Variants in OFD1 observed in about 807,000 individuals in gnomAD.
The protein encoded by OFD1 is OFD1 centriole and centriolar satellite protein, also known as centriole and centriolar satellite protein OFD1.
A neutral mutation model predicts 81.4 loss-of-function variants in OFD1; 12 were observed. The observed-to-expected ratio is 0.15, with a 90% CI of 0.09 to 0.24. The LOEUF (loss-of-function observed/expected upper bound fraction) is 0.24, where lower values mean the gene tolerates loss of function less well. OFD1 is among the 10% of genes least tolerant of loss of function. OFD1 has a pLI of 1.00. For synonymous variants in OFD1, 256 were observed against 263.7 expected, an observed-to-expected ratio of 0.97 and a Z score of 0.28; for missense variants, 685 against 733.9, an observed-to-expected ratio of 0.93 and a Z score of 0.77.
At chrX:13,742,410 C>CTA (rs201048120) in intron 5 of OFD1, among the ~76,000 whole-genome samples, 1,659 of 112,032 alleles carry the variant, frequency 0.015, 32 homozygotes, top group African/African-American at 0.05. Context: ...AGTAGAAAGT[C>CTA]TGTGATCTTG....
intron 5 of OFD1, among the ~76,000 whole-genome samples, chrX:13,742,474 G>A (rs970821018): frequency 8.9e-6 from 1 of 112,121 alleles, no homozygotes. Flanking sequence ...GAAAAAAGTA[G>A]ATCAGTTAGA....
the OFD1 span, among the ~76,000 whole-genome samples, chrX:13,718,924 G>C: frequency 9.0e-6 from 1 of 111,038 alleles, no homozygotes; most frequent in Non-Finnish European, 1.9e-5. Context: ...GGGAGGCCGA[G>C]GGCAGGCAGA....
At chrX:13,769,039 T>C (rs1229631529) in intron 22 of OFD1, 27 bp from the exon 23 acceptor site, 2 of 1,118,662 alleles carry the variant, frequency 1.8e-6, no homozygotes, top group East Asian at 6.0e-5. Flanking sequence ...ATTTTTACAT[T>C]TTAATTTTTA....
intron 18 of OFD1, among the ~76,000 whole-genome samples, 170 bp from the exon 19 acceptor site, chrX:13,763,575 C>T (rs189414158): frequency 1.6e-3 from 181 of 112,326 alleles, no homozygotes; most frequent in African/African-American, 5.7e-3. Flanking sequence ...CAAGCAAATA[C>T]GTTGCCAAGT....
intron 11 of OFD1, among the ~76,000 whole-genome samples, chrX:13,753,984 A>G (rs1284244867): frequency 9.8e-6 from 1 of 101,550 alleles, no homozygotes; most frequent in Non-Finnish European, 2.0e-5. Context: ...ATTTCAGTGT[A>G]TTTTTTTTTT....
intron 13 of OFD1, 28 bp downstream of exon 13, chrX:13,756,795 G>C: frequency 9.1e-7 from 1 of 1,100,915 alleles, no homozygotes; most frequent in Non-Finnish European, 1.3e-6. Flanking sequence ...CTTCTGACTT[G>C]CGTGTTTTAG....
Position 13,756,642 on chromosome X carries a change from A to C in OFD1, c.1286A>C (p.Glu429Ala). ...ACAAAACAAAACCATATGCTGAATG[A>C]AAAGGTTAAAGAGATGAGTGATTAT... Reference protein sequence around the residue: ...AITKQNHMLNEKVKEMSDYSL... With the variant: ...AITKQNHMLNAKVKEMSDYSL... Residue 429 changes from glutamate (E) to alanine (A), a missense_variant, in exon 13 of 23, where the codon GAA becomes GCA. By Grantham distance (107) the Glu-to-Ala change is moderately radical. Transcript: ENST00000340096. 1 of 1,204,911 alleles carries C rather than the reference A, an allele frequency of 8.3e-7. No individual in the cohort carries two copies. The highest frequency in any genetic ancestry group is 1.7e-5 in the African/African-American group (1 of 57,534).
chrX:13,719,371 T>G, the OFD1 span, among the ~76,000 whole-genome samples: 1 of 111,177 alleles, frequency 9.0e-6, no homozygotes, highest in Non-Finnish European at 1.9e-5. Flanking sequence ...TTGAGCTTCC[T>G]GTGTATGGCC....
chrX:13,735,134 C>G (rs760055759), intron 1 of OFD1, 51 bp downstream of exon 1: 13 of 1,208,186 alleles, frequency 1.1e-5, no homozygotes, highest in South Asian at 3.5e-5. Context: ...GTTTTGTGTT[C>G]GTTAAACTTT....
At position 13,746,887 on chromosome X, in the gene OFD1, A is replaced by C. The variant is rs775148893; in HGVS notation, c.762A>C (p.Gln254His). 3 of 1,211,266 alleles carry C rather than the reference A, an allele frequency of 2.5e-6. No homozygotes were observed. Among genetic ancestry groups the C allele is most frequent in the African/African-American group, 3.5e-5 (2 of 57,872 alleles). ...AGAATGATTTTGAAAAAGCTTGTCA[A>C]GCAAAATCTGAAGCTCTCGTTCTTC... ...MFQNDFEKAC[Q>H]AKSEALVLRE... is the part of the protein sequence containing the mutation. Residue 254 changes from glutamine (Q) to histidine (H), a missense_variant, in exon 8 of 23, where the codon CAA becomes CAC. Gln to His is a conservative substitution (Grantham distance 24, BLOSUM62 0). Coordinates refer to ENST00000340096, the MANE Select transcript of OFD1 (RefSeq NM_003611.3).
the OFD1 span, among the ~76,000 whole-genome samples, chrX:13,729,131 A>G: frequency 6.2e-5 from 7 of 112,137 alleles, no homozygotes; most frequent in East Asian, 8.3e-4. Flanking sequence ...TTCCATGCTC[A>G]TGGATAGGAA....
chrX:13,715,746 G>A, the OFD1 span: 3 of 870,792 alleles, frequency 3.4e-6, no homozygotes, highest in East Asian at 2.1e-4. Context: ...CAGCTATGAG[G>A]ACAACAAGGT....
chrX:13,757,879 G>T, intron 14 of OFD1, 89 bp downstream of exon 14: 1 of 1,044,756 alleles, frequency 9.6e-7, no homozygotes, highest in Non-Finnish European at 1.3e-6. Context: ...GTGTAAATCA[G>T]ATTTATTTTA....
downstream of OFD1, chrX:13,772,154 T>C (rs979723321): frequency 4.4e-5 from 5 of 112,534 alleles, no homozygotes; most frequent in Non-Finnish European, 7.5e-5. Context: ...ATAATGAAAA[T>C]TGGATCAGTA....
the OFD1 span, chrX:13,716,707 T>G: frequency 2.5e-6 from 3 of 1,205,373 alleles, no homozygotes; most frequent in Middle Eastern, 2.3e-4. Flanking sequence ...AACCACAGAT[T>G]AACATTTGCA....
At chrX:13,739,961 T>C (rs1210025822) in intron 5 of OFD1, 2 of 890,907 alleles carry the variant, frequency 2.2e-6, no homozygotes, top group Middle Eastern at 4.4e-4. Flanking sequence ...ATAGTCCTTT[T>C]GTGTTGGTAC....
the OFD1 span, among the ~76,000 whole-genome samples, chrX:13,724,437 G>C: frequency 9.4e-6 from 1 of 106,761 alleles, no homozygotes; most frequent in Non-Finnish European, 1.9e-5. Context: ...TTTAGGCTAC[G>C]ATCAGGAAAA....
chrX:13,716,664 A>G, the OFD1 span: 2 of 1,211,942 alleles, frequency 1.7e-6, no homozygotes, highest in Non-Finnish European at 2.2e-6. Context: ...ACTGGTTCAG[A>G]TGACGATGGT....
At chrX:13,761,351 T>G in intron 17 of OFD1, 140 bp downstream of exon 17, 1 of 624,446 alleles carries the variant, frequency 1.6e-6, no homozygotes, top group Non-Finnish European at 2.5e-6. Context: ...GCAATCAGAT[T>G]GCAAAATGAT....
Sources: allele counts gnomAD v4.1 joint callset (sites outside exome capture counted in the v4.1 genomes callset), GRCh38; gene constraint gnomAD v4.1.1; transcripts MANE v1.5; gene names NCBI Gene and HGNC (gene_info 2026-07-23, HGNC 2026-07-21).